Variants in BTBD9 observed in about 807,000 individuals in gnomAD.
BTBD9 encodes BTB domain containing 9.
A neutral mutation model predicts 64.3 loss-of-function variants in BTBD9; 49 were observed. The ratio of observed to expected loss-of-function variants is 0.76; its 90% CI spans 0.61 to 0.97. The LOEUF (loss-of-function observed/expected upper bound fraction) is 0.97. Ranked by LOEUF, BTBD9 falls within the 50% of genes least tolerant of loss-of-function variation. BTBD9 has a pLI of 0.00. For missense variants in BTBD9, 598 were observed against 762.1 expected (o/e 0.78, Z 2.53); for synonymous variants, 260 against 274.7 (o/e 0.95, Z 0.53).
At chr6:38,448,808 G>A (rs1019447219) in intron 6 of BTBD9, among the ~76,000 whole-genome samples, 8 of 152,092 alleles carry the variant, frequency 5.3e-5, no homozygotes, top group East Asian at 1.9e-4. Flanking sequence ...ATGAGCCACC[G>A]CACCCGGCCC....
chr6:38,244,260 A>G (rs1764106917), intron 9 of BTBD9, among the ~76,000 whole-genome samples: 1 of 152,200 alleles, frequency 6.6e-6, no homozygotes, highest in Non-Finnish European at 1.5e-5. Flanking sequence ...GGAGGGGTTA[A>G]TCAAGACTTG....
At chr6:38,495,172 G>A (rs753229695) in intron 6 of BTBD9, among the ~76,000 whole-genome samples, 7 of 152,130 alleles carry the variant, frequency 4.6e-5, no homozygotes, top group Non-Finnish European at 8.8e-5. Context: ...TGTTTCCACC[G>A]CTACAGATCA....
At chr6:38,325,372 C>A (rs533323191) in intron 7 of BTBD9, among the ~76,000 whole-genome samples, 34 of 152,232 alleles carry the variant, frequency 2.2e-4, no homozygotes, top group African/African-American at 7.7e-4. Flanking sequence ...GTTCTCTATA[C>A]CTAATGGATA....
chr6:38,460,843 C>T (rs772105770), intron 6 of BTBD9, among the ~76,000 whole-genome samples: 8 of 152,022 alleles, frequency 5.3e-5, no homozygotes, highest in African/African-American at 1.4e-4. Flanking sequence ...GGCTGATCTC[C>T]GTCTCCTGAC....
intron 6 of BTBD9, among the ~76,000 whole-genome samples, chr6:38,373,046 G>A (rs1765488152): frequency 1.3e-5 from 2 of 152,126 alleles, no homozygotes; most frequent in South Asian, 4.2e-4. Flanking sequence ...GCTGCTGGCT[G>A]TGTGTGTGGT....
intron 4 of BTBD9, among the ~76,000 whole-genome samples, chr6:38,585,830 A>G (rs1451469829): frequency 1.3e-5 from 2 of 152,090 alleles, no homozygotes; most frequent in African/African-American, 4.8e-5. Context: ...AAAAAGCTCA[A>G]CCTAGTATAA....
intron 6 of BTBD9, among the ~76,000 whole-genome samples, chr6:38,477,270 G>A (rs1316952006): frequency 6.6e-6 from 1 of 152,222 alleles, no homozygotes; most frequent in African/African-American, 2.4e-5. Context: ...GAAGCAAAAT[G>A]AAGTAGTTAA....
intron 7 of BTBD9, among the ~76,000 whole-genome samples, chr6:38,302,485 GTATATATA>G (rs59324806): frequency 0.02 from 2,084 of 106,868 alleles, 80 homozygotes; most frequent in East Asian, 0.086. Flanking sequence ...TTGTGTGTAT[GTATATATA>G]TATATATATA....
chr6:38,311,031 G>A (rs112381632), intron 7 of BTBD9, among the ~76,000 whole-genome samples: 4,532 of 152,122 alleles, frequency 0.03, 215 homozygotes, highest in African/African-American at 0.1. Context: ...GGCTGGTCTC[G>A]AACTGCTGAC....
At chr6:38,254,325 T>A (rs956671302) in intron 9 of BTBD9, among the ~76,000 whole-genome samples, 4 of 152,024 alleles carry the variant, frequency 2.6e-5, no homozygotes, top group African/African-American at 9.7e-5. Flanking sequence ...AACCAATATA[T>A]ATATGCTGAT....
intron 6 of BTBD9, among the ~76,000 whole-genome samples, chr6:38,497,838 G>A (rs1404761877): frequency 2.0e-5 from 3 of 152,174 alleles, no homozygotes; most frequent in Admixed American, 6.5e-5. Context: ...GTCCCAGGCA[G>A]AACCGAAGGT....
chr6:38,576,142 C>T (rs938880251), intron 6 of BTBD9, among the ~76,000 whole-genome samples: 3 of 152,076 alleles, frequency 2.0e-5, no homozygotes, highest in South Asian at 2.1e-4. Flanking sequence ...CCATATCAGA[C>T]GCTTTGTTAT....
At chr6:38,609,068 A>C (rs1307923684) in intron 1 of BTBD9, among the ~76,000 whole-genome samples, 2 of 152,238 alleles carry the variant, frequency 1.3e-5, no homozygotes, top group African/African-American at 2.4e-5. Flanking sequence ...TTCCAAATCC[A>C]AATCTACAGT....
chr6:38,502,173 G>A (rs746266210), intron 6 of BTBD9, among the ~76,000 whole-genome samples: 3 of 152,186 alleles, frequency 2.0e-5, no homozygotes. Context: ...GGGTGGCTGG[G>A]CCAGCTGCTC....
chr6:38,171,835 C>T lies in BTBD9; in HGVS notation c.*3150G>A, dbSNP rs1318255706. 5 of 102,594 alleles carry T rather than the reference C, an allele frequency of 4.9e-5. No individual in the cohort carries two copies. The highest frequency in any genetic ancestry group is 2.0e-4 in the African/African-American group (5 of 25,042). The allele number at this position is 102,594 out of a possible 1,614,324, so 6.4% of individuals were successfully genotyped here. A position where few individuals can be genotyped will look rare whatever the true frequency, so the allele number is the denominator to read the frequency against. ...TCCCCAAAAGCTCCAATGAAGTTGC[C>T]TTTCTACTCTCAAAAAAAAAAAAAA... On this transcript the variant is annotated 3_prime_UTR_variant, in exon 11 of 11. Transcript: ENST00000481247.
intron 6 of BTBD9, among the ~76,000 whole-genome samples, chr6:38,381,169 T>C (rs1419915048): frequency 1.3e-5 from 2 of 152,142 alleles, no homozygotes; most frequent in African/African-American, 2.4e-5. Flanking sequence ...GACTAAATTC[T>C]ATAGTTTAAA....
At chr6:38,396,732 G>T (rs1332294102) in intron 6 of BTBD9, among the ~76,000 whole-genome samples, 1 of 152,172 alleles carries the variant, frequency 6.6e-6, no homozygotes, top group Non-Finnish European at 1.5e-5. Flanking sequence ...TCTAAATTAA[G>T]ATGAGCTGTA....
intron 6 of BTBD9, among the ~76,000 whole-genome samples, chr6:38,536,202 T>C (rs1774015159): frequency 6.6e-6 from 1 of 152,008 alleles, no homozygotes; most frequent in Non-Finnish European, 1.5e-5. Flanking sequence ...GACATACAAA[T>C]GGCAAACAGG....
intron 6 of BTBD9, among the ~76,000 whole-genome samples, chr6:38,529,252 G>A (rs1399369575): frequency 5.3e-5 from 8 of 152,180 alleles, no homozygotes; most frequent in African/African-American, 1.4e-4. Context: ...TCTCAGCAGA[G>A]AGAGACTCCA....
Sources: allele counts gnomAD v4.1 joint callset (sites outside exome capture counted in the v4.1 genomes callset), GRCh38; gene constraint gnomAD v4.1.1; transcripts MANE v1.5; gene names NCBI Gene and HGNC (gene_info 2026-07-23, HGNC 2026-07-21).